BABAM2: variants seen among roughly 807,000 people sequenced by gnomAD.
The protein encoded by BABAM2 is BRISC and BRCA1 A complex member 2.
Under a neutral mutation model 54.7 loss-of-function variants are expected in BABAM2, and 31 were observed. The observed-to-expected ratio is 0.57, with a 90% confidence interval of 0.43 to 0.77. BABAM2 has a LOEUF of 0.77. BABAM2 is among the 30% of genes least tolerant of loss of function. BABAM2 has a pLI of 0.00. For synonymous variants in BABAM2, 167 were observed against 162.9 expected (o/e 1.03, Z -0.19); for missense variants, 364 against 455.8 (o/e 0.80, Z 1.83).
chr2:27,945,799 GTT>G (rs35951387), intron 3 of BABAM2, among the ~76,000 whole-genome samples: 2 of 139,158 alleles, frequency 1.4e-5, no homozygotes. Context: ...TAGTAGTGTG[GTT>G]TTTTTTTTTT....
At chr2:27,979,896 A>G (rs527833323) in intron 3 of BABAM2, among the ~76,000 whole-genome samples, 40 of 152,306 alleles carry the variant, frequency 2.6e-4, no homozygotes, top group African/African-American at 8.9e-4. Context: ...CACTCTGCAT[A>G]TCTGGTAAGT....
chr2:28,190,880 C>A (rs1352329517), intron 7 of BABAM2, among the ~76,000 whole-genome samples: 1 of 152,154 alleles, frequency 6.6e-6, no homozygotes, highest in African/African-American at 2.4e-5. Flanking sequence ...GGAAAATAAT[C>A]TTAGTGAATT....
chr2:27,998,178 G>C (rs1359362207), intron 4 of BABAM2, among the ~76,000 whole-genome samples: 1 of 151,862 alleles, frequency 6.6e-6, no homozygotes, highest in Non-Finnish European at 1.5e-5. Context: ...TTATCCAGAG[G>C]AGTTATTTAA....
chr2:27,990,513 G>A (rs190941649), intron 4 of BABAM2, among the ~76,000 whole-genome samples: 42 of 152,224 alleles, frequency 2.8e-4, no homozygotes, highest in Middle Eastern at 3.4e-3. Flanking sequence ...CCCATGGAGT[G>A]GAAAACAGAA....
intron 7 of BABAM2, among the ~76,000 whole-genome samples, chr2:28,134,878 C>T (rs1353311840): frequency 1.3e-5 from 2 of 152,174 alleles, no homozygotes; most frequent in African/African-American, 4.8e-5. Flanking sequence ...CAAGTTGTGA[C>T]TTGTGGATTA....
chr2:27,899,548 C>T (rs1003651310), intron 2 of BABAM2, among the ~76,000 whole-genome samples: 1 of 151,714 alleles, frequency 6.6e-6, no homozygotes, highest in South Asian at 2.1e-4. Context: ...GATCTTGGCT[C>T]CTCAACCTCT....
Position 28,282,261 on chromosome 2 carries a change from A to G in BABAM2, c.935-16077A>G, listed in dbSNP as rs370096411. ...GGAAACATCAAAAATAAAAATTCTT[A>G]AAAGTCTGAGCTCATCATGCCCTTG... is the stretch of plus-strand genomic sequence containing the variant. On this transcript the variant is annotated intron_variant, in intron 10 of 11. Coordinates refer to ENST00000379624, the MANE Select transcript of BABAM2 (RefSeq NM_199191.3). Among the ~76,000 whole-genome samples the G allele has an allele frequency of 3.9e-5, 6 of 152,300 alleles. No homozygotes were observed. In the East Asian group the frequency reaches 1.2e-3, roughly 29 times the overall value.
intron 7 of BABAM2, among the ~76,000 whole-genome samples, chr2:28,214,920 T>A (rs1004482701): frequency 5.3e-5 from 8 of 152,146 alleles, no homozygotes; most frequent in Admixed American, 3.3e-4. Flanking sequence ...ATTGCCATGC[T>A]TAAATATGAT....
chr2:28,161,556 A>G (rs931082380), intron 7 of BABAM2, among the ~76,000 whole-genome samples: 2 of 152,132 alleles, frequency 1.3e-5, no homozygotes, highest in African/African-American at 4.8e-5. Flanking sequence ...TTCTGGAGCT[A>G]CTTAGAACCC....
intron 6 of BABAM2, among the ~76,000 whole-genome samples, chr2:28,119,409 C>G (rs1668875470): frequency 6.6e-6 from 1 of 152,156 alleles, no homozygotes; most frequent in Non-Finnish European, 1.5e-5. Context: ...TCTCTGGCCT[C>G]CAGAGTAGGG....
At chr2:28,072,959 C>G (rs866863522) in intron 6 of BABAM2, among the ~76,000 whole-genome samples, 3 of 152,184 alleles carry the variant, frequency 2.0e-5, no homozygotes, top group African/African-American at 7.2e-5. Flanking sequence ...TATTTTGAAA[C>G]AAATTCCATA....
intron 3 of BABAM2, among the ~76,000 whole-genome samples, chr2:27,956,598 G>A (rs977471790): frequency 4.6e-5 from 7 of 152,162 alleles, no homozygotes; most frequent in African/African-American, 1.2e-4. Context: ...GTCTTATGTG[G>A]AAATTCTTAA....
chr2:28,114,860 T>C (rs1268890961), intron 6 of BABAM2, among the ~76,000 whole-genome samples: 1 of 152,226 alleles, frequency 6.6e-6, no homozygotes, highest in Non-Finnish European at 1.5e-5. Flanking sequence ...CCAACTGATT[T>C]ACATTGGAAA....
At chr2:28,306,146 G>C (rs1305851295) in intron 11 of BABAM2, among the ~76,000 whole-genome samples, 1 of 152,172 alleles carries the variant, frequency 6.6e-6, no homozygotes, top group Non-Finnish European at 1.5e-5. Context: ...ACCAGCATGT[G>C]ATCTATCTTG....
At chr2:27,942,857 G>T (rs929410887) in intron 3 of BABAM2, among the ~76,000 whole-genome samples, 1 of 151,112 alleles carries the variant, frequency 6.6e-6, no homozygotes, top group Non-Finnish European at 1.5e-5. Flanking sequence ...TTGTGGCCCA[G>T]CCTGGAGTGC....
intron 10 of BABAM2, among the ~76,000 whole-genome samples, chr2:28,254,748 T>G (rs1190117322): frequency 1.3e-5 from 2 of 150,448 alleles, no homozygotes; most frequent in Non-Finnish European, 3.0e-5. Context: ...TTTTTTTTTT[T>G]TGAGACAGGG....
chr2:27,933,291 C>T (rs1668233511), intron 3 of BABAM2, among the ~76,000 whole-genome samples: 1 of 151,936 alleles, frequency 6.6e-6, no homozygotes, highest in Non-Finnish European at 1.5e-5. Flanking sequence ...CCACAGTATG[C>T]TCTATAATAA....
chr2:28,180,778 AT>A lies in BABAM2; in HGVS notation c.680+51399del, dbSNP rs539460834. ...TCAAACAACAGCAAAAAGAAAAAAA[AT>A]CACATTAAAAAGTGGGCAAAGACAT... is the stretch of plus-strand genomic sequence containing the variant. On this transcript the variant is annotated intron_variant, in intron 7 of 11. Transcript: ENST00000379624. Among the ~76,000 whole-genome samples, 409 of 152,266 alleles carry A rather than the reference AT, an allele frequency of 2.7e-3. 1 individual carries two copies. Among genetic ancestry groups the A allele is most frequent in the African/African-American group, 9.3e-3 (387 of 41,574 alleles).
At chr2:28,251,628 T>C (rs73922267) in intron 10 of BABAM2, among the ~76,000 whole-genome samples, 1 of 152,176 alleles carries the variant, frequency 6.6e-6, no homozygotes, top group Non-Finnish European at 1.5e-5. Context: ...ACAAACAAGA[T>C]GGCTACTACA....
Sources: allele counts gnomAD v4.1 joint callset (sites outside exome capture counted in the v4.1 genomes callset), GRCh38; gene constraint gnomAD v4.1.1; transcripts MANE v1.5; gene names NCBI Gene and HGNC (gene_info 2026-07-23, HGNC 2026-07-21).